Variants in GUCY1A2 observed in about 807,000 individuals in gnomAD.
GUCY1A2 encodes the protein guanylate cyclase soluble subunit alpha-2.
Under a neutral mutation model 63.5 loss-of-function variants are expected in GUCY1A2, and 27 were observed. The ratio of observed to expected loss-of-function variants is 0.43; its 90% confidence interval spans 0.31 to 0.59. The LOEUF (loss-of-function observed/expected upper bound fraction) is 0.59. Ranked by LOEUF, GUCY1A2 falls within the 20% of genes least tolerant of loss-of-function variation. The pLI is 0.11. For synonymous variants in GUCY1A2, 364 were observed against 343.5 expected (o/e 1.06, Z -0.66); for missense variants, 768 against 913.3 (o/e 0.84, Z 2.05).
At chr11:106,811,004 T>C (rs1858755064) in intron 4 of GUCY1A2, among the ~76,000 whole-genome samples, 1 of 152,102 alleles carries the variant, frequency 6.6e-6, no homozygotes, top group African/African-American at 2.4e-5. Flanking sequence ...TTGCACTTGT[T>C]AGGTTAGTGG....
In GUCY1A2 at chr11:106,728,230, C is replaced by A. The variant is rs998971585; in HGVS notation, c.1837-19564G>T. ...ATTACCTAACAATTTCCTATTCGATCTGTTAATCTTCAACACTCGTGTCAT... is the reference window on the plus strand; with the variant it reads ...ATTACCTAACAATTTCCTATTCGATATGTTAATCTTCAACACTCGTGTCAT... On this transcript the variant is annotated intron_variant, in intron 6 of 7. Transcript: ENST00000526355. 2.6e-5 allele frequency among the ~76,000 whole-genome samples: 4 copies of A among 152,274 alleles called. No homozygotes were observed. The South Asian group carries it at 8.3e-4, about 32-fold the overall frequency.
chr11:106,752,014 A>G (rs1429119742), intron 6 of GUCY1A2, among the ~76,000 whole-genome samples: 1 of 152,224 alleles, frequency 6.6e-6, no homozygotes, highest in African/African-American at 2.4e-5. Context: ...CCTAGTACAT[A>G]CAACACAGGA....
chr11:106,863,925 G>C (rs896257687), intron 4 of GUCY1A2, among the ~76,000 whole-genome samples: 6 of 151,778 alleles, frequency 4.0e-5, no homozygotes, highest in African/African-American at 1.5e-4. Flanking sequence ...TCATGATTTG[G>C]CTGTCTATTA....
At chr11:106,826,700 T>C in intron 4 of GUCY1A2, 1 of 1,609,742 alleles carries the variant, frequency 6.2e-7, no homozygotes, top group South Asian at 1.1e-5. Flanking sequence ...TCCATGTCAA[T>C]AGAGTCTCCT....
chr11:106,780,713 GAATA>G (rs1864443345), intron 5 of GUCY1A2, among the ~76,000 whole-genome samples: 1 of 152,200 alleles, frequency 6.6e-6, no homozygotes, highest in Non-Finnish European at 1.5e-5. Context: ...CTGCATGAAT[GAATA>G]AATAATCACA....
At position 106,971,091 on chromosome 11, in the gene GUCY1A2, G is replaced by A. The variant is rs185579109; in HGVS notation, c.487+7528C>T. 2.0e-5 allele frequency among the ~76,000 whole-genome samples: 3 copies of A among 152,234 alleles called. No individual in the cohort carries two copies. In the East Asian group the frequency reaches 5.8e-4, roughly 29 times the overall value. On this transcript the variant is annotated intron_variant, in intron 3 of 7. Transcript: ENST00000526355. Reference sequence around the variant, plus strand: ...ACATGCGGTTGAACAAGTGAAACACGGGATTTTTTTTAGAAGAGTGCAAGT... The same window carrying A: ...ACATGCGGTTGAACAAGTGAAACACAGGATTTTTTTTAGAAGAGTGCAAGT...
intron 3 of GUCY1A2, among the ~76,000 whole-genome samples, chr11:106,977,466 C>T (rs1455387771): frequency 2.0e-5 from 3 of 152,168 alleles, no homozygotes; most frequent in Admixed American, 2.0e-4. Flanking sequence ...CCACTAACAT[C>T]TATATGCATC....
intron 4 of GUCY1A2, among the ~76,000 whole-genome samples, chr11:106,922,169 C>T (rs1860453166): frequency 6.6e-6 from 1 of 152,162 alleles, no homozygotes; most frequent in African/African-American, 2.4e-5. Flanking sequence ...AATCAGACAA[C>T]ATTTGTCTCT....
In GUCY1A2 at chr11:106,674,895, A is replaced by T. The variant is rs902975401; in HGVS notation, c.*12654T>A. 7 of 217,686 alleles carry T rather than the reference A, an allele frequency of 3.2e-5. No individual in the cohort carries two copies. The East Asian group carries it at 4.7e-4, about 15-fold the overall frequency. The allele number at this position is 217,686 out of a possible 1,614,324, so 13.5% of individuals were successfully genotyped here. ...ACATTATAACTGTGTGTTTTTATTA[A>T]GTGATTTTGGAAACCTATTTATTAT... On this transcript the variant is annotated 3_prime_UTR_variant, in exon 8 of 8. Transcript: ENST00000526355.
intron 6 of GUCY1A2, among the ~76,000 whole-genome samples, chr11:106,734,443 ATG>A (rs1231107611): frequency 6.6e-6 from 1 of 152,286 alleles, no homozygotes; most frequent in East Asian, 1.9e-4. Context: ...AAAAAAATAA[ATG>A]TATTTCATAG....
intron 4 of GUCY1A2, among the ~76,000 whole-genome samples, chr11:106,839,090 A>G (rs1170208319): frequency 1.3e-5 from 2 of 152,044 alleles, no homozygotes; most frequent in African/African-American, 2.4e-5. Context: ...GTTTTCTTCT[A>G]GGGTTTTTAT....
intron 6 of GUCY1A2, among the ~76,000 whole-genome samples, chr11:106,748,298 A>T (rs1285599081): frequency 2.1e-5 from 3 of 145,736 alleles, no homozygotes; most frequent in Non-Finnish European, 4.5e-5. Flanking sequence ...AAACAACCTG[A>T]AACAAACATA....
At position 106,810,418 on chromosome 11, in the gene GUCY1A2, C is replaced by T; in HGVS notation, c.1267G>A (p.Gly423Ser). ...TCCAACTTGTCCACACATGGAGAGC[C>T]CAAAAATAAAATGGAATTTGATTCT... ...VPESNSILFL[G>S]SPCVDKLDEL... Residue 423 changes from glycine (G) to serine (S), a missense_variant, in exon 5 of 8, where the codon GGC becomes AGC. Coordinates refer to ENST00000526355, the MANE Select transcript of GUCY1A2 (RefSeq NM_000855.3). The T allele has an allele frequency of 6.2e-7, 1 of 1,610,676 alleles. No individual in the cohort carries two copies. The highest frequency in any genetic ancestry group is 8.5e-7 in the Non-Finnish European group (1 of 1,178,632).
chr11:106,906,901 C>T (rs1018154380), intron 4 of GUCY1A2, among the ~76,000 whole-genome samples: 1 of 152,080 alleles, frequency 6.6e-6, no homozygotes, highest in Admixed American at 6.6e-5. Context: ...CACATGGACA[C>T]AGGGAGGGGA....
rs189579232 is a variant in GUCY1A2 at position 106,679,016 on chromosome 11, A to G, written c.*8533T>C. Reference sequence around the variant, plus strand: ...CATTAATTGAATCTCTCATTGCTGAAGAAGTTGACACATTCAGAAAACTTT... The same window carrying G: ...CATTAATTGAATCTCTCATTGCTGAGGAAGTTGACACATTCAGAAAACTTT... On this transcript the variant is annotated 3_prime_UTR_variant, in exon 8 of 8. Transcript: ENST00000526355. The G allele has an allele frequency of 1.4e-3, 263 of 189,090 alleles. No homozygotes were observed. The highest frequency in any genetic ancestry group is 3.9e-4 in the Non-Finnish European group (35 of 89,764). The allele number at this position is 189,090 out of a possible 1,614,324, so 11.7% of individuals were successfully genotyped here. A position where few individuals can be genotyped will look rare whatever the true frequency, so the allele number is the denominator to read the frequency against.
chr11:106,939,408 T>C, intron 4 of GUCY1A2, 52 bp downstream of exon 4: 1 of 893,474 alleles, frequency 1.1e-6, no homozygotes, highest in Non-Finnish European at 1.8e-6. Flanking sequence ...TTTACTGAAA[T>C]AATTATCCAC....
intron 3 of GUCY1A2, among the ~76,000 whole-genome samples, chr11:106,974,433 T>C (rs1184442708): frequency 1.3e-5 from 2 of 152,028 alleles, no homozygotes; most frequent in Non-Finnish European, 2.9e-5. Context: ...TTATGACTAA[T>C]TAAAAGGCTC....
chr11:106,799,219 A>G (rs1864824138), intron 5 of GUCY1A2, among the ~76,000 whole-genome samples: 2 of 152,180 alleles, frequency 1.3e-5, no homozygotes, highest in African/African-American at 4.8e-5. Context: ...AAGGAGAACT[A>G]CAAACCACTG....
chr11:106,776,495 A>C lies in GUCY1A2; in HGVS notation c.1780T>G (p.Leu594Val). 1 of 1,613,684 alleles carries C rather than the reference A, an allele frequency of 6.2e-7. No individual in the cohort carries two copies. Among genetic ancestry groups the C allele is most frequent in the Non-Finnish European group, 8.5e-7 (1 of 1,179,612 alleles). The change falls in exon 6 of 8, where the codon TTG (leucine) becomes GTG (valine). Residue 594 changes from leucine to valine, a missense_variant. This residue lies in a region of GUCY1A2 where 150 missense variants were observed against 188.3 expected (regional missense o/e 0.80). Coordinates refer to ENST00000526355, the MANE Select transcript of GUCY1A2 (RefSeq NM_000855.3). ...TCTTCTGAAAGTTCCATCATCTTCAAGGCCATCAGAGCAATGGGTTTAGCA... is the reference window on the plus strand; with the variant it reads ...TCTTCTGAAAGTTCCATCATCTTCACGGCCATCAGAGCAATGGGTTTAGCA... ...CHAKPIALMA[L>V]KMMELSEEVL...
Sources: allele counts gnomAD v4.1 joint callset (sites outside exome capture counted in the v4.1 genomes callset), GRCh38; gene constraint gnomAD v4.1.1; regional missense constraint gnomAD v4.1.1; transcripts MANE v1.5; gene names NCBI Gene and HGNC (gene_info 2026-07-23, HGNC 2026-07-21).